The following CLEC16A variants were observed in gnomAD, a reference collection of about 807,000 sequenced individuals.
The protein encoded by CLEC16A is protein CLEC16A.
Under a neutral mutation model 109.5 loss-of-function variants are expected in CLEC16A, and 51 were observed. The ratio of observed to expected loss-of-function variants is 0.47; its 90% CI spans 0.37 to 0.59. The LOEUF (loss-of-function observed/expected upper bound fraction) is 0.59, where lower values mean the gene tolerates loss of function less well. CLEC16A is among the 20% of genes least tolerant of loss of function. The pLI is 0.00. For missense variants in CLEC16A, 1,339 were observed against 1,394.0 expected, an observed-to-expected ratio of 0.96 and a Z score of 0.63; for synonymous variants, 673 against 564.2, an observed-to-expected ratio of 1.19 and a Z score of -2.73.
intron 1 of CLEC16A, among the ~76,000 whole-genome samples, chr16:10,950,727 C>T (rs572430499): frequency 6.6e-6 from 1 of 152,324 alleles, no homozygotes; most frequent in Non-Finnish European, 1.5e-5. Context: ...AGGGCCTCTG[C>T]CCGAGTGCTG....
At chr16:11,049,830 C>G (rs549768570) in intron 17 of CLEC16A, among the ~76,000 whole-genome samples, 2 of 152,328 alleles carry the variant, frequency 1.3e-5, no homozygotes, top group Non-Finnish European at 2.9e-5. Context: ...GGGAAGGGAG[C>G]TGCAAGTGAA....
At chr16:11,093,858 C>T (rs2050452576) in intron 19 of CLEC16A, among the ~76,000 whole-genome samples, 1 of 152,130 alleles carries the variant, frequency 6.6e-6, no homozygotes, top group Non-Finnish European at 1.5e-5. Context: ...AGAATGGAGG[C>T]GGCAGCTGGT....
At chr16:11,058,705 C>A (rs1334164961) in intron 18 of CLEC16A, among the ~76,000 whole-genome samples, 3 of 152,136 alleles carry the variant, frequency 2.0e-5, no homozygotes, top group Non-Finnish European at 4.4e-5. Context: ...GAGCCAAATT[C>A]TGAACTTTTA....
chr16:10,944,646 G>T lies in CLEC16A; in HGVS notation c.-72G>T. On this transcript the variant is annotated 5_prime_UTR_variant, in exon 1 of 24. Transcript: ENST00000409790. ...CGCCGCATCCTCCGCTTGTGCTACC[G>T]CCGCGGGCGCTGGGCCGCTCTGCTG... 7.0e-7 allele frequency: 1 copy of T among 1,435,182 alleles called. No individual in the cohort carries two copies. 88.9% of individuals were successfully genotyped at this position (1,435,182 alleles called of 1,614,324 possible).
At chr16:11,173,327 C>T (rs1310564429) in intron 23 of CLEC16A, among the ~76,000 whole-genome samples, 1 of 152,174 alleles carries the variant, frequency 6.6e-6, no homozygotes, top group Non-Finnish European at 1.5e-5. Flanking sequence ...CATTGTAGTG[C>T]TCTATGGCGT....
intron 19 of CLEC16A, among the ~76,000 whole-genome samples, chr16:11,099,951 T>A (rs538373691): frequency 6.6e-6 from 1 of 152,108 alleles, no homozygotes; most frequent in Non-Finnish European, 1.5e-5. Context: ...GATTCTTACC[T>A]ATCTAGCCAG....
chr16:11,099,195 T>C (rs2050768765), intron 19 of CLEC16A, among the ~76,000 whole-genome samples: 1 of 152,174 alleles, frequency 6.6e-6, no homozygotes, highest in Admixed American at 6.5e-5. Flanking sequence ...CACCCGGGTT[T>C]GCCAGGACAG....
chr16:11,131,871 C>CTGGG (rs1458676174), intron 22 of CLEC16A, among the ~76,000 whole-genome samples: 1 of 152,010 alleles, frequency 6.6e-6, no homozygotes, highest in Non-Finnish European at 1.5e-5. Flanking sequence ...TTCAGCCGCA[C>CTGGG]TGGCTGGCTG....
chr16:11,027,804 G>C (rs1449903136), intron 13 of CLEC16A: 2 of 829,038 alleles, frequency 2.4e-6, no homozygotes, highest in Non-Finnish European at 4.0e-6. Context: ...GATCAATGAA[G>C]TGGAAGCATG....
chr16:11,160,780 A>T (rs1312343825), intron 22 of CLEC16A, among the ~76,000 whole-genome samples: 1 of 152,226 alleles, frequency 6.6e-6, no homozygotes, highest in East Asian at 1.9e-4. Flanking sequence ...GACGTCAGGG[A>T]CCCAAACTCC....
intron 19 of CLEC16A, among the ~76,000 whole-genome samples, chr16:11,061,512 C>T (rs1272290266): frequency 6.6e-6 from 1 of 152,212 alleles, no homozygotes; most frequent in East Asian, 1.9e-4. Flanking sequence ...GCTACTTGTT[C>T]CGCTGTGTAG....
intron 19 of CLEC16A, among the ~76,000 whole-genome samples, chr16:11,107,293 G>A (rs2051282822): frequency 6.6e-6 from 1 of 151,964 alleles, no homozygotes; most frequent in East Asian, 1.9e-4. Flanking sequence ...TATAGGCCTG[G>A]CAGTAGAAAG....
chr16:10,977,206 T>C lies in CLEC16A; in HGVS notation c.729-19T>C. On this transcript the variant is annotated intron_variant, in intron 7 of 23. Transcript: ENST00000409790. ...CCTAGTGTTGGCCTCCAGGCTGAGG[T>C]GGTCATTTCTCCTGGCAGGCATCGG... The C allele has an allele frequency of 6.2e-7, 1 of 1,609,904 alleles. No individual in the cohort carries two copies. Among genetic ancestry groups the C allele is most frequent in the African/African-American group, 1.3e-5 (1 of 75,014 alleles).
intron 19 of CLEC16A, among the ~76,000 whole-genome samples, chr16:11,084,836 G>A (rs1281666144): frequency 6.6e-6 from 1 of 152,214 alleles, no homozygotes; most frequent in African/African-American, 2.4e-5. Context: ...ACACTGTGGA[G>A]AAAGAGGTAG....
At chr16:11,024,657 T>C in intron 12 of CLEC16A, 164 bp from the exon 13 acceptor site, 1 of 565,908 alleles carries the variant, frequency 1.8e-6, no homozygotes, top group South Asian at 2.1e-5. Flanking sequence ...GCAGAGCCTG[T>C]CTCTCATTTG....
At chr16:10,959,453 G>A (rs760698670) in intron 2 of CLEC16A, among the ~76,000 whole-genome samples, 1 of 152,208 alleles carries the variant, frequency 6.6e-6, no homozygotes, top group Non-Finnish European at 1.5e-5. Flanking sequence ...GTGCATTGGC[G>A]GGATCCCGGC....
At chr16:10,982,640 A>G (rs1718527252) in intron 9 of CLEC16A, among the ~76,000 whole-genome samples, 1 of 152,200 alleles carries the variant, frequency 6.6e-6, no homozygotes, top group African/African-American at 2.4e-5. Flanking sequence ...GCATTAATGC[A>G]CTTCCTTCCG....
intron 11 of CLEC16A, among the ~76,000 whole-genome samples, chr16:11,011,504 C>G (rs2045410253): frequency 6.6e-6 from 1 of 152,094 alleles, no homozygotes; most frequent in Non-Finnish European, 1.5e-5. Context: ...TTTGAGCAGT[C>G]ACTTACACTT....
chr16:10,951,769 G>C (rs1470377966), intron 1 of CLEC16A, among the ~76,000 whole-genome samples: 1 of 152,248 alleles, frequency 6.6e-6, no homozygotes, highest in African/African-American at 2.4e-5. Context: ...CTGCCGTTAA[G>C]TAGCAAGGTA....
Sources: allele counts gnomAD v4.1 joint callset (sites outside exome capture counted in the v4.1 genomes callset), GRCh38; gene constraint gnomAD v4.1.1; transcripts MANE v1.5; gene names NCBI Gene and HGNC (gene_info 2026-07-23, HGNC 2026-07-21).